The following CSMD1 variants were observed in gnomAD, a reference collection of about 807,000 sequenced individuals.
CSMD1 encodes CUB and sushi domain-containing protein 1.
Under a neutral mutation model 417.5 loss-of-function variants are expected in CSMD1, and 213 were observed. The observed-to-expected ratio is 0.51, with a 90% CI of 0.46 to 0.57. CSMD1 has a LOEUF of 0.57. Among genes scored for constraint, CSMD1 ranks in the 20% least tolerant of loss-of-function variants. The pLI, the probability that CSMD1 is intolerant of heterozygous loss-of-function variation, is 0.00. For missense variants in CSMD1, 6,923 were observed against 4,529.7 expected (o/e 1.53, Z -15.17); for synonymous variants, 2,862 against 1,736.8 (o/e 1.65, Z -16.11).
intron 1 of CSMD1, among the ~76,000 whole-genome samples, chr8:4,695,661 C>A (rs926316518): frequency 6.6e-5 from 10 of 152,110 alleles, no homozygotes; most frequent in African/African-American, 2.4e-4. Context: ...TTGTTAGAAC[C>A]TATAGACCTA....
chr8:4,246,013 A>T (rs1613277), intron 3 of CSMD1, among the ~76,000 whole-genome samples: 147,853 of 152,260 alleles, frequency 0.97, 71,923 homozygotes, highest in East Asian at 1. Flanking sequence ...TAGGTCAGTT[A>T]TTTGTTGTTG....
rs559798420 is a variant in CSMD1 at position 3,380,578 on chromosome 8, T to C, written c.2782+6916A>G. Reference sequence around the variant, plus strand: ...GCAGCCATAAAAAAGGATGAGTTCATGTCCTTTGCAGGGACATGGATGAAT... The same window carrying C: ...GCAGCCATAAAAAAGGATGAGTTCACGTCCTTTGCAGGGACATGGATGAAT... On this transcript the variant is annotated intron_variant, in intron 18 of 69. Coordinates refer to ENST00000635120, the MANE Select transcript of CSMD1 (RefSeq NM_033225.6). 7.9e-5 allele frequency among the ~76,000 whole-genome samples: 12 copies of C among 152,338 alleles called. No individual in the cohort carries two copies. In the East Asian group the frequency reaches 2.3e-3, roughly 29 times the overall value.
rs913834559 is a variant in CSMD1, at chr8:3,928,815, C to A, written c.818+69088G>T. Among the ~76,000 whole-genome samples, 3 of 135,588 alleles carry A rather than the reference C, an allele frequency of 2.2e-5. 1 individual carries two copies. The highest frequency in any genetic ancestry group is 1.6e-5 in the Non-Finnish European group (1 of 63,370). The allele number at this position is 135,588 out of a possible 152,430, so 89.0% of individuals were successfully genotyped here. On this transcript the variant is annotated intron_variant, in intron 5 of 69. Coordinates refer to ENST00000635120, the MANE Select transcript of CSMD1 (RefSeq NM_033225.6). Reference sequence around the variant, plus strand: ...CCGGGCCAGTTCTATGCATTCCCAGCGATTCCACCTACCCCAGGTCATGCT... The same window carrying A: ...CCGGGCCAGTTCTATGCATTCCCAGAGATTCCACCTACCCCAGGTCATGCT...
At chr8:3,195,691 G>A (rs888232671) in intron 33 of CSMD1, among the ~76,000 whole-genome samples, 1 of 152,154 alleles carries the variant, frequency 6.6e-6, no homozygotes, top group Non-Finnish European at 1.5e-5. Context: ...GAAGCTACAG[G>A]AGTCTCCTCC....
intron 3 of CSMD1, among the ~76,000 whole-genome samples, chr8:4,349,506 T>C (rs1426841275): frequency 2.0e-5 from 3 of 152,180 alleles, no homozygotes; most frequent in Admixed American, 1.3e-4. Context: ...AGAATCTACC[T>C]TCTTTTTCCC....
chr8:3,689,351 A>G (rs914207519), intron 7 of CSMD1, among the ~76,000 whole-genome samples: 1 of 152,196 alleles, frequency 6.6e-6, no homozygotes, highest in Non-Finnish European at 1.5e-5. Flanking sequence ...TCCTCCCCTC[A>G]TACCACCCTT....
intron 7 of CSMD1, among the ~76,000 whole-genome samples, chr8:3,643,174 T>C (rs1255870180): frequency 2.6e-5 from 4 of 151,874 alleles, no homozygotes; most frequent in African/African-American, 9.7e-5. Context: ...GAGAGCCACA[T>C]CCAGGAAGCT....
At chr8:4,784,112 A>G (rs1168730050) in intron 1 of CSMD1, among the ~76,000 whole-genome samples, 1 of 152,226 alleles carries the variant, frequency 6.6e-6, no homozygotes, top group Non-Finnish European at 1.5e-5. Context: ...CATTTATTAG[A>G]AGATAGCCAA....
At chr8:4,173,235 C>G (rs751212271) in intron 3 of CSMD1, among the ~76,000 whole-genome samples, 2 of 152,104 alleles carry the variant, frequency 1.3e-5, no homozygotes, top group African/African-American at 4.8e-5. Flanking sequence ...TTAATGCAAG[C>G]TTGTCTCACG....
At chr8:4,429,063 A>G (rs1327919264) in intron 2 of CSMD1, among the ~76,000 whole-genome samples, 1 of 152,078 alleles carries the variant, frequency 6.6e-6, no homozygotes, top group East Asian at 1.9e-4. Context: ...TACAGTGTAC[A>G]ATACAATGTC....
chr8:4,943,266 C>A (rs1296262259), intron 1 of CSMD1, among the ~76,000 whole-genome samples: 1 of 152,012 alleles, frequency 6.6e-6, no homozygotes, highest in Admixed American at 6.6e-5. Flanking sequence ...GCGGCCCAGG[C>A]GGGCAGATCA....
chr8:3,743,956 C>G (rs550432796), intron 6 of CSMD1, among the ~76,000 whole-genome samples: 36 of 152,278 alleles, frequency 2.4e-4, no homozygotes, highest in African/African-American at 8.4e-4. Flanking sequence ...CTGACCCAGA[C>G]AGAGGCATGA....
chr8:3,939,143 G>A (rs564840583), intron 5 of CSMD1, among the ~76,000 whole-genome samples: 21 of 152,146 alleles, frequency 1.4e-4, no homozygotes, highest in African/African-American at 4.6e-4. Context: ...CTTGCCCTGT[G>A]GAGAATAAAC....
intron 1 of CSMD1, among the ~76,000 whole-genome samples, chr8:4,866,985 T>C (rs769698051): frequency 2.0e-4 from 31 of 152,182 alleles, no homozygotes; most frequent in Non-Finnish European, 4.0e-4. Flanking sequence ...AGACATTGTA[T>C]TTCCTCAGCA....
At chr8:3,480,113 C>T (rs13439039) in intron 11 of CSMD1, among the ~76,000 whole-genome samples, 2 of 152,000 alleles carry the variant, frequency 1.3e-5, no homozygotes, top group East Asian at 1.9e-4. Flanking sequence ...AATCTCAGCA[C>T]TTTGGGAGGC....
At chr8:4,601,411 C>T (rs920166920) in intron 2 of CSMD1, among the ~76,000 whole-genome samples, 1 of 152,170 alleles carries the variant, frequency 6.6e-6, no homozygotes, top group Admixed American at 6.5e-5. Context: ...TAGGATAGTT[C>T]TTCACAGCCT....
chr8:3,600,731 C>T (rs138760554), intron 8 of CSMD1, among the ~76,000 whole-genome samples: 88 of 152,264 alleles, frequency 5.8e-4, no homozygotes, highest in Non-Finnish European at 1.0e-3. Flanking sequence ...CAGGCACCCA[C>T]CTCTATCCCC....
intron 5 of CSMD1, among the ~76,000 whole-genome samples, chr8:3,782,455 C>A (rs7838414): frequency 2.0e-5 from 3 of 151,920 alleles, no homozygotes; most frequent in South Asian, 4.1e-4. Flanking sequence ...GCAGTAATGA[C>A]GCATAACATG....
At chr8:3,034,109 G>C (rs1810516262) in intron 50 of CSMD1, among the ~76,000 whole-genome samples, 1 of 152,174 alleles carries the variant, frequency 6.6e-6, no homozygotes. Context: ...GCCTGGATTT[G>C]AAGGCTGCCT....
Sources: allele counts gnomAD v4.1 joint callset (sites outside exome capture counted in the v4.1 genomes callset), GRCh38; gene constraint gnomAD v4.1.1; transcripts MANE v1.5; gene names NCBI Gene and HGNC (gene_info 2026-07-23, HGNC 2026-07-21).